Variants in GRIA2 observed in about 807,000 individuals in gnomAD.
GRIA2 encodes glutamate receptor 2.
In GRIA2, 14 loss-of-function variants were observed where a neutral mutation model predicts 97.3. That is an observed-to-expected ratio of 0.14 (90% CI 0.10 to 0.23). The LOEUF (loss-of-function observed/expected upper bound fraction) is 0.23, where lower values mean the gene tolerates loss of function less well. GRIA2 is among the 10% of genes least tolerant of loss of function. The pLI, the probability that GRIA2 is intolerant of heterozygous loss-of-function variation, is 1.00. For missense variants in GRIA2, 558 were observed against 1,069.8 expected (o/e 0.52, Z 6.67); for synonymous variants, 412 against 387.8 (o/e 1.06, Z -0.73).
intron 2 of GRIA2, among the ~76,000 whole-genome samples, chr4:157,284,982 G>A (rs1304397267): frequency 2.0e-5 from 3 of 151,610 alleles, no homozygotes; most frequent in Admixed American, 6.6e-5. Context: ...ACTTCTTTAA[G>A]TCTACAGGAT....
chr4:157,286,582 T>C (rs1317119829), intron 2 of GRIA2, among the ~76,000 whole-genome samples: 1 of 151,542 alleles, frequency 6.6e-6, no homozygotes, highest in East Asian at 1.9e-4. Flanking sequence ...ATAGTAAATC[T>C]GTTTATTTAT....
At chr4:157,346,231 A>G (rs1278021622) in intron 12 of GRIA2, among the ~76,000 whole-genome samples, 2 of 152,158 alleles carry the variant, frequency 1.3e-5, no homozygotes, top group Non-Finnish European at 2.9e-5. Flanking sequence ...AAAATGGCCT[A>G]GCCATTATGA....
At chr4:157,341,061 T>C (rs185643465) in intron 11 of GRIA2, among the ~76,000 whole-genome samples, 1 of 152,208 alleles carries the variant, frequency 6.6e-6, no homozygotes, top group East Asian at 1.9e-4. Context: ...AGTTTTGACC[T>C]GTGTGTATGT....
chr4:157,303,863 T>C, intron 3 of GRIA2, 72 bp downstream of exon 3: 4 of 1,478,384 alleles, frequency 2.7e-6, no homozygotes, highest in Non-Finnish European at 3.8e-6. Flanking sequence ...CTATGGATGT[T>C]ATAAAGCTAC....
intron 2 of GRIA2, among the ~76,000 whole-genome samples, chr4:157,251,267 CT>C (rs1731008370): frequency 6.6e-6 from 1 of 152,050 alleles, no homozygotes; most frequent in Non-Finnish European, 1.5e-5. Context: ...ATTTAAAATG[CT>C]TTCCCCACAT....
chr4:157,334,018 C>T lies in GRIA2; in HGVS notation c.1164C>T (p.Tyr388=), dbSNP rs778126760. The part of the protein sequence containing the change: ...LKTNGPRKIG[Y]WSEVDKMVVT... ...GCTGTAACCTTTTCCAGATTGGCTA[C>T]TGGAGTGAAGTGGACAAAATGGTTG... Residue 388 remains tyrosine (Y), a synonymous_variant, in exon 9 of 16, where the codon TAC becomes TAT. Coordinates refer to ENST00000264426, the MANE Select transcript of GRIA2 (RefSeq NM_001083619.3). 1 of 1,571,834 alleles carries T rather than the reference C, an allele frequency of 6.4e-7. No individual in the cohort carries two copies. The highest frequency in any genetic ancestry group is 8.8e-7 in the Non-Finnish European group (1 of 1,142,218).
At chr4:157,308,101 C>T (rs1221628472) in intron 3 of GRIA2, among the ~76,000 whole-genome samples, 1 of 152,028 alleles carries the variant, frequency 6.6e-6, no homozygotes, top group Non-Finnish European at 1.5e-5. Flanking sequence ...TTAATTTAAC[C>T]CTTTAACGTG....
At chr4:157,268,589 C>A (rs547783739) in intron 2 of GRIA2, among the ~76,000 whole-genome samples, 3 of 151,988 alleles carry the variant, frequency 2.0e-5, no homozygotes, top group Middle Eastern at 6.8e-3. Flanking sequence ...ATATTTAAAG[C>A]AGTTTCAAAC....
At chr4:157,276,643 A>T (rs1317896957) in intron 2 of GRIA2, among the ~76,000 whole-genome samples, 1 of 151,874 alleles carries the variant, frequency 6.6e-6, no homozygotes, top group Non-Finnish European at 1.5e-5. Context: ...GCTTCTAGAC[A>T]GGTTAACTGA....
rs192622855 is a variant in GRIA2 at position 157,266,600 on chromosome 4, G to C, written c.230-36952G>C. On this transcript the variant is annotated intron_variant, in intron 2 of 15. Coordinates refer to ENST00000264426, the MANE Select transcript of GRIA2 (RefSeq NM_001083619.3). ...TTGGTAGAGTGAATTTGGTAGGCCT[G>C]TTGCAGTGAGCTAATGAATGATGGA... Among the ~76,000 whole-genome samples, 5 of 152,182 alleles carry C rather than the reference G, an allele frequency of 3.3e-5. No homozygotes were observed. In the East Asian group the frequency reaches 9.7e-4, roughly 30 times the overall value.
intron 9 of GRIA2, chr4:157,335,344 A>C (rs1419148744): frequency 3.4e-6 from 1 of 297,800 alleles, no homozygotes; most frequent in Non-Finnish European, 6.5e-6. Flanking sequence ...TGAATAAAAT[A>C]GGTTTTGAGC....
chr4:157,353,512 T>TAA (rs746329356), intron 12 of GRIA2, among the ~76,000 whole-genome samples: 2 of 136,630 alleles, frequency 1.5e-5, no homozygotes, highest in Non-Finnish European at 1.6e-5. Context: ...CTAATAAAAA[T>TAA]AATAAAAAAA....
At chr4:157,268,864 TTGTC>T (rs1360542551) in intron 2 of GRIA2, among the ~76,000 whole-genome samples, 5 of 152,012 alleles carry the variant, frequency 3.3e-5, no homozygotes, top group Non-Finnish European at 7.4e-5. Context: ...AGGAAGGAAA[TTGTC>T]TGGAAGTCAC....
chr4:157,336,292 C>A, intron 10 of GRIA2, 85 bp from the exon 11 acceptor site: 4 of 1,099,866 alleles, frequency 3.6e-6, no homozygotes, highest in Non-Finnish European at 5.3e-6. Context: ...ATTTCCTCTC[C>A]TTTTTCTTTG....
rs186220894 is a variant in GRIA2 at position 157,300,851 on chromosome 4, A to G, written c.230-2701A>G. On this transcript the variant is annotated intron_variant, in intron 2 of 15. Coordinates refer to ENST00000264426, the MANE Select transcript of GRIA2 (RefSeq NM_001083619.3). ...AAGCCAGTGTTTCCAGATGGCCGCA[A>G]TAACCAGGAGGTCCCTTGACAACTC... 4.1e-4 allele frequency among the ~76,000 whole-genome samples: 62 copies of G among 152,268 alleles called. 1 individual carries two copies. The East Asian group carries it at 9.3e-3, about 23-fold the overall frequency.
intron 2 of GRIA2, 54 bp from the exon 3 acceptor site, chr4:157,303,497 AT>A: frequency 2.6e-6 from 4 of 1,528,770 alleles, no homozygotes; most frequent in Non-Finnish European, 3.6e-6. Context: ...GCAAATTCAT[AT>A]GATTGTGTGC....
intron 2 of GRIA2, among the ~76,000 whole-genome samples, chr4:157,297,176 A>G (rs1733385311): frequency 6.6e-6 from 1 of 152,162 alleles, no homozygotes; most frequent in Admixed American, 6.6e-5. Context: ...AGGCAATGTC[A>G]TGAGAGCTGG....
intron 2 of GRIA2, among the ~76,000 whole-genome samples, chr4:157,295,210 A>C (rs917799114): frequency 6.6e-6 from 1 of 152,126 alleles, no homozygotes; most frequent in Non-Finnish European, 1.5e-5. Flanking sequence ...ACATAACATG[A>C]AGGTCAGGAG....
At position 157,294,594 on chromosome 4, in the gene GRIA2, T is replaced by G. The variant is rs1733258032; in HGVS notation, c.230-8958T>G. Among the ~76,000 whole-genome samples, 5 of 152,240 alleles carry G rather than the reference T, an allele frequency of 3.3e-5. No homozygotes were observed. In the South Asian group the frequency reaches 6.2e-4, roughly 19 times the overall value. Reference sequence around the variant, plus strand: ...AATGATATTATTTAATCCTTGAAATTTATTGTATCTCACATACATTTTCCA... The same window carrying G: ...AATGATATTATTTAATCCTTGAAATGTATTGTATCTCACATACATTTTCCA... On this transcript the variant is annotated intron_variant, in intron 2 of 15. Transcript: ENST00000264426.
Sources: gnomAD v4.1 joint callset for allele counts (sites outside exome capture counted in the v4.1 genomes callset) on GRCh38, gnomAD v4.1.1 for gene constraint, MANE v1.5 for transcripts, NCBI Gene and HGNC (gene_info 2026-07-23, HGNC 2026-07-21) for gene names.